RANBP2: variants seen among roughly 807,000 people sequenced by gnomAD.
RANBP2 encodes RAN binding protein 2, also known as E3 SUMO-protein ligase RanBP2.
A neutral mutation model predicts 303.6 loss-of-function variants in RANBP2; 57 were observed. The observed-to-expected ratio is 0.19, with a 90% CI of 0.15 to 0.23. The LOEUF (loss-of-function observed/expected upper bound fraction) is 0.23, where lower values mean the gene tolerates loss of function less well. RANBP2 is among the 10% of genes least tolerant of loss of function. RANBP2 has a pLI of 1.00. For missense variants in RANBP2, 3,138 were observed against 3,780.8 expected (o/e 0.83, Z 4.46); for synonymous variants, 1,167 against 1,301.5 (o/e 0.90, Z 2.23).
the RANBP2 span, chr2:109,491,072 C>T: frequency 5.0e-6 from 4 of 796,414 alleles, no homozygotes; most frequent in Non-Finnish European, 7.2e-6. Context: ...CCCAGATCCA[C>T]ATGGTCCCGA....
the RANBP2 span, among the ~76,000 whole-genome samples, chr2:109,090,792 T>A: frequency 6.6e-5 from 10 of 152,244 alleles, no homozygotes; most frequent in Non-Finnish European, 1.2e-4. Context: ...AAATAATAAT[T>A]TTTTTAGATA....
the RANBP2 span, chr2:109,585,622 T>G: frequency 4.5e-6 from 4 of 886,296 alleles, no homozygotes; most frequent in Non-Finnish European, 7.3e-6. Flanking sequence ...GATCATGATT[T>G]CAAATTGATA....
the RANBP2 span, among the ~76,000 whole-genome samples, chr2:108,986,959 T>C: frequency 6.6e-6 from 1 of 152,164 alleles, no homozygotes; most frequent in Non-Finnish European, 1.5e-5. Context: ...GTGGAATACC[T>C]AGGCAGAGCC....
the RANBP2 span, among the ~76,000 whole-genome samples, chr2:109,460,994 C>G: frequency 2.0e-5 from 3 of 152,216 alleles, no homozygotes; most frequent in Non-Finnish European, 4.4e-5. Context: ...AGGCTCAAGT[C>G]TTATCTTCCT....
At chr2:109,179,879 A>G in the RANBP2 span, among the ~76,000 whole-genome samples, 1 of 152,202 alleles carries the variant, frequency 6.6e-6, no homozygotes, top group Non-Finnish European at 1.5e-5. Context: ...AGTGCTCCTT[A>G]TCGCAGGAAA....
chr2:108,732,634 A>G (rs1201649508), intron 4 of RANBP2, among the ~76,000 whole-genome samples: 1 of 152,066 alleles, frequency 6.6e-6, no homozygotes. Flanking sequence ...TCATACCACC[A>G]CTGCAGTCAA....
the RANBP2 span, among the ~76,000 whole-genome samples, chr2:109,064,455 C>CAAAA: frequency 0.025 from 1,623 of 65,754 alleles, 152 homozygotes; most frequent in Non-Finnish European, 0.031. Flanking sequence ...GACTCTGTCT[C>CAAAA]AAAAAAAAAA....
At chr2:109,609,462 A>G in the RANBP2 span, among the ~76,000 whole-genome samples, 1 of 152,120 alleles carries the variant, frequency 6.6e-6, no homozygotes, top group Non-Finnish European at 1.5e-5. Flanking sequence ...GCAAGGTAGC[A>G]TATGACCAAA....
chr2:109,151,280 A>G, the RANBP2 span, among the ~76,000 whole-genome samples: 31 of 152,300 alleles, frequency 2.0e-4, no homozygotes, highest in East Asian at 4.2e-3. Flanking sequence ...GTTTGTGGCC[A>G]TGGAAACAGA....
At chr2:109,090,782 AAAT>A in the RANBP2 span, among the ~76,000 whole-genome samples, 1 of 152,164 alleles carries the variant, frequency 6.6e-6, no homozygotes, top group Non-Finnish European at 1.5e-5. Flanking sequence ...AATATTTTTC[AAAT>A]AATAATTTTT....
chr2:108,869,696 GA>G, the RANBP2 span, among the ~76,000 whole-genome samples: 5 of 152,016 alleles, frequency 3.3e-5, no homozygotes, highest in African/African-American at 1.2e-4. Context: ...AAGAAAAAAA[GA>G]AAAAAACAGC....
At chr2:109,317,832 G>A in the RANBP2 span, among the ~76,000 whole-genome samples, 14 of 152,104 alleles carry the variant, frequency 9.2e-5, no homozygotes, top group Non-Finnish European at 1.0e-4. Context: ...TAGCGCATCC[G>A]TCTTGGGTCA....
the RANBP2 span, among the ~76,000 whole-genome samples, chr2:109,434,854 G>A: frequency 3.9e-5 from 6 of 152,174 alleles, no homozygotes; most frequent in Admixed American, 1.3e-4. Flanking sequence ...AATGCAGATC[G>A]AATCAATAAA....
At chr2:108,976,464 C>A in the RANBP2 span, among the ~76,000 whole-genome samples, 1 of 152,194 alleles carries the variant, frequency 6.6e-6, no homozygotes, top group Non-Finnish European at 1.5e-5. Context: ...GGATTCCCCA[C>A]TCTGAAGTGA....
chr2:108,954,221 T>G, the RANBP2 span, among the ~76,000 whole-genome samples: 2 of 152,180 alleles, frequency 1.3e-5, no homozygotes, highest in Non-Finnish European at 2.9e-5. Context: ...CATTTTCTCT[T>G]TAGAACTGGA....
At chr2:109,319,011 G>T in the RANBP2 span, among the ~76,000 whole-genome samples, 1 of 152,182 alleles carries the variant, frequency 6.6e-6, no homozygotes, top group South Asian at 2.1e-4. Context: ...CTGCTAACTG[G>T]GATTACAGAT....
the RANBP2 span, among the ~76,000 whole-genome samples, chr2:109,175,284 G>A: frequency 0.033 from 5,058 of 152,222 alleles, 131 homozygotes; most frequent in South Asian, 0.089. Context: ...CTATTGGCAC[G>A]CTAATCTTTG....
chr2:109,284,055 C>G, the RANBP2 span, among the ~76,000 whole-genome samples: 7 of 152,310 alleles, frequency 4.6e-5, 1 homozygote, highest in Admixed American at 2.6e-4. Flanking sequence ...TTCTCACTTG[C>G]TGTCACCTCC....
the RANBP2 span, among the ~76,000 whole-genome samples, chr2:108,976,610 C>T: frequency 5.9e-5 from 9 of 152,162 alleles, no homozygotes; most frequent in Non-Finnish European, 1.0e-4. Context: ...AGACCTGCCT[C>T]TTCTCTGTTA....
Sources: gnomAD v4.1 joint callset for allele counts (sites outside exome capture counted in the v4.1 genomes callset) on GRCh38, gnomAD v4.1.1 for gene constraint, MANE v1.5 for transcripts, NCBI Gene and HGNC (gene_info 2026-07-23, HGNC 2026-07-21) for gene names.